SLC14A2: variants seen among roughly 807,000 people sequenced by gnomAD.
The protein encoded by SLC14A2 is solute carrier family 14 member 2.
In SLC14A2, 91 loss-of-function variants were observed where a neutral mutation model predicts 104.6. The ratio of observed to expected loss-of-function variants is 0.87; its 90% CI spans 0.73 to 1.04. SLC14A2 has a LOEUF of 1.04. Among genes scored for constraint, SLC14A2 ranks in the 50% least tolerant of loss-of-function variants. The pLI, the probability that SLC14A2 is intolerant of heterozygous loss-of-function variation, is 0.00. For missense variants in SLC14A2, 1,189 were observed against 1,156.0 expected, an observed-to-expected ratio of 1.03 and a Z score of -0.41; for synonymous variants, 476 against 466.4, an observed-to-expected ratio of 1.02 and a Z score of -0.27.
At chr18:45,673,285 G>T (rs540369382) in intron 17 of SLC14A2, among the ~76,000 whole-genome samples, 32 of 152,272 alleles carry the variant, frequency 2.1e-4, no homozygotes, top group African/African-American at 7.5e-4. Context: ...TTTAAAGTTT[G>T]GGGGAAGTTT....
chr18:45,288,367 G>C (rs1157629280), intron 1 of SLC14A2, among the ~76,000 whole-genome samples: 1 of 152,190 alleles, frequency 6.6e-6, no homozygotes, highest in African/African-American at 2.4e-5. Context: ...GCAAACAAAT[G>C]TCATGCAAGG....
At chr18:45,528,052 T>G (rs1489084923) in intron 2 of SLC14A2, 2 of 152,074 alleles carry the variant, frequency 1.3e-5, no homozygotes, top group African/African-American at 4.8e-5. Flanking sequence ...GACATCCATG[T>G]GGGAATTATT....
At position 45,675,514 on chromosome 18, in the gene SLC14A2, CTGT is replaced by C. The variant is rs377611022; in HGVS notation, c.2512+1711_2512+1713del. Among the ~76,000 whole-genome samples, 467 of 151,186 alleles carry C rather than the reference CTGT, an allele frequency of 3.1e-3. 3 individuals carry two copies. The highest frequency in any genetic ancestry group is 0.01 in the African/African-American group (414 of 41,198). ...CAAGTGGAGTTTGGGGGGCGTTTTA[CTGT>C]TGTTGTTGTTGTTTTGAGACAGGGT... On this transcript the variant is annotated intron_variant, in intron 18 of 19. Coordinates refer to ENST00000255226, the MANE Select transcript of SLC14A2 (RefSeq NM_007163.4).
chr18:45,622,250 G>A (rs1300562427), intron 1 of SLC14A2, among the ~76,000 whole-genome samples: 2 of 152,180 alleles, frequency 1.3e-5, no homozygotes, highest in Admixed American at 1.3e-4. Flanking sequence ...GACCATGAAC[G>A]TGAAGGCATA....
At chr18:45,268,034 G>T (rs12454704) in intron 1 of SLC14A2, among the ~76,000 whole-genome samples, 3 of 152,002 alleles carry the variant, frequency 2.0e-5, no homozygotes, top group African/African-American at 7.2e-5. Flanking sequence ...CCACAATTCA[G>T]CACTTGACCG....
intron 1 of SLC14A2, among the ~76,000 whole-genome samples, chr18:45,272,017 T>C (rs544845774): frequency 1.3e-5 from 2 of 152,100 alleles, no homozygotes; most frequent in Non-Finnish European, 2.9e-5. Flanking sequence ...AAACTCATCT[T>C]TGACAAGGAT....
At chr18:45,540,752 TAAC>T (rs1242643436) in intron 2 of SLC14A2, among the ~76,000 whole-genome samples, 1 of 151,798 alleles carries the variant, frequency 6.6e-6, no homozygotes, top group African/African-American at 2.4e-5. Context: ...CTCAAATTAA[TAAC>T]AATAATAATA....
At position 45,608,068 on chromosome 18, in the gene SLC14A2, T is replaced by C. The variant is rs190927042; in HGVS notation, c.-34-16563T>C. Among the ~76,000 whole-genome samples, 33 of 152,378 alleles carry C rather than the reference T, an allele frequency of 2.2e-4. 1 individual carries two copies. The highest frequency in any genetic ancestry group is 2.0e-3 in the Admixed American group (31 of 15,310). On this transcript the variant is annotated intron_variant, in intron 2 of 20. Transcript: ENST00000586448. Reference sequence around the variant, plus strand: ...CTGGGCATTAACAGTTACTTTCTGGTTTCCGTTAGAGTACGATGAATTTTT... The same window carrying C: ...CTGGGCATTAACAGTTACTTTCTGGCTTCCGTTAGAGTACGATGAATTTTT...
intron 4 of SLC14A2, among the ~76,000 whole-genome samples, chr18:45,631,090 G>T (rs183112810): frequency 6.6e-6 from 1 of 152,332 alleles, no homozygotes; most frequent in East Asian, 1.9e-4. Flanking sequence ...ATCTCAGGGA[G>T]CCCTAAGCTT....
At chr18:45,297,176 A>G (rs1256720567) in intron 1 of SLC14A2, among the ~76,000 whole-genome samples, 1 of 152,228 alleles carries the variant, frequency 6.6e-6, no homozygotes, top group African/African-American at 2.4e-5. Flanking sequence ...TGATGTGTAG[A>G]TAGTCTGTTC....
intron 1 of SLC14A2, among the ~76,000 whole-genome samples, chr18:45,433,341 T>C (rs1275663655): frequency 1.3e-5 from 2 of 152,252 alleles, no homozygotes; most frequent in African/African-American, 2.4e-5. Context: ...AGCTTTTCTT[T>C]GAATGCAATC....
chr18:45,389,120 G>A (rs1362166276), intron 1 of SLC14A2, among the ~76,000 whole-genome samples: 2 of 152,216 alleles, frequency 1.3e-5, no homozygotes, highest in African/African-American at 4.8e-5. Flanking sequence ...GCCCTGGTAT[G>A]TAGAGAAAAC....
intron 1 of SLC14A2, among the ~76,000 whole-genome samples, chr18:45,328,172 G>T (rs376829982): frequency 1.3e-5 from 2 of 152,178 alleles, no homozygotes; most frequent in Admixed American, 6.5e-5. Context: ...CTTTTCCCAG[G>T]CCTGTTTATC....
chr18:45,431,113 G>T (rs2086508156), intron 1 of SLC14A2, among the ~76,000 whole-genome samples: 1 of 152,090 alleles, frequency 6.6e-6, no homozygotes. Flanking sequence ...CATTTGGAGG[G>T]GTAATTACAC....
rs148748140 is a variant in SLC14A2, at chr18:45,452,096, C to T, written c.-124-31137C>T. ...TGGGGGGATATCTGGTCACATGTCC[C>T]TTTGACAGAGGACACGATGTGTGTG... On this transcript the variant is annotated intron_variant, in intron 1 of 20. Transcript: ENST00000586448. 7.3e-3 allele frequency among the ~76,000 whole-genome samples: 1,108 copies of T among 152,212 alleles called. 20 individuals are homozygous for T. The South Asian group carries it at 0.073, about 10-fold the overall frequency.
intron 2 of SLC14A2, among the ~76,000 whole-genome samples, chr18:45,551,022 T>C (rs1002859663): frequency 1.3e-5 from 2 of 152,230 alleles, no homozygotes; most frequent in Non-Finnish European, 2.9e-5. Flanking sequence ...TGAATTTCAT[T>C]TAGATACAGA....
chr18:45,409,750 T>C (rs968346153), intron 1 of SLC14A2, among the ~76,000 whole-genome samples: 3 of 152,138 alleles, frequency 2.0e-5, no homozygotes, highest in Non-Finnish European at 4.4e-5. Flanking sequence ...TAAATCAGCA[T>C]GAGGAGTATA....
intron 2 of SLC14A2, among the ~76,000 whole-genome samples, chr18:45,595,304 A>T (rs935103453): frequency 6.7e-6 from 1 of 148,722 alleles, no homozygotes; most frequent in Non-Finnish European, 1.5e-5. Context: ...AATGATAGTT[A>T]ACATTTATTT....
chr18:45,207,430 GAGAA>G, the SLC14A2 span, among the ~76,000 whole-genome samples: 90 of 150,440 alleles, frequency 6.0e-4, no homozygotes, highest in Middle Eastern at 3.4e-3. Flanking sequence ...AAAGAAAAAA[GAGAA>G]AGAGAAAGCG....
Sources: gnomAD v4.1 joint callset for allele counts (sites outside exome capture counted in the v4.1 genomes callset) on GRCh38, gnomAD v4.1.1 for gene constraint, MANE v1.5 for transcripts, NCBI Gene and HGNC (gene_info 2026-07-23, HGNC 2026-07-21) for gene names.